SPG11: variants seen among roughly 807,000 people sequenced by gnomAD.
The protein encoded by SPG11 is spatacsin.
A neutral mutation model predicts 274.0 loss-of-function variants in SPG11; 222 were observed. That is an observed-to-expected ratio of 0.81 (90% CI 0.73 to 0.91). The LOEUF is 0.91. SPG11 is among the 40% of genes least tolerant of loss of function. The pLI is 0.00. For missense variants in SPG11, 3,114 were observed against 2,872.7 expected, an observed-to-expected ratio of 1.08 and a Z score of -1.92; for synonymous variants, 1,144 against 1,039.7, an observed-to-expected ratio of 1.10 and a Z score of -1.93.
At chr15:44,569,718 CTTTTTTT>C (rs1047071923) in intron 34 of SPG11, among the ~76,000 whole-genome samples, 2 of 138,388 alleles carry the variant, frequency 1.4e-5, no homozygotes, top group Non-Finnish European at 3.2e-5. Flanking sequence ...ACTGGCTGTT[CTTTTTTT>C]TTTTTTTTTG....
intron 28 of SPG11, among the ~76,000 whole-genome samples, chr15:44,586,880 T>C (rs915641659): frequency 1.1e-4 from 16 of 152,226 alleles, no homozygotes; most frequent in Admixed American, 5.2e-4. Context: ...ACAGAGAACT[T>C]GTAGGACAGT....
intron 20 of SPG11, among the ~76,000 whole-genome samples, chr15:44,605,372 T>G (rs776966653): frequency 6.6e-6 from 1 of 152,202 alleles, no homozygotes; most frequent in African/African-American, 2.4e-5. Context: ...TTTTTATGTA[T>G]GTCAATAGAT....
intron 6 of SPG11, among the ~76,000 whole-genome samples, chr15:44,649,869 G>A (rs1184826489): frequency 6.6e-6 from 1 of 151,338 alleles, no homozygotes; most frequent in Non-Finnish European, 1.5e-5. Context: ...ACTCCAGCCA[G>A]GGAGACAAGA....
At chr15:44,593,195 A>T (rs1437592633) in intron 26 of SPG11, among the ~76,000 whole-genome samples, 2 of 151,804 alleles carry the variant, frequency 1.3e-5, no homozygotes, top group African/African-American at 4.8e-5. Context: ...CTTTATTATT[A>T]TTTTTTATTA....
rs1304376257 is a variant in SPG11, at chr15:44,584,577, C to G, written c.5122-19G>C. 1 of 1,604,182 alleles carries G rather than the reference C, an allele frequency of 6.2e-7. No homozygotes were observed. Among genetic ancestry groups the G allele is most frequent in the Non-Finnish European group, 8.5e-7 (1 of 1,179,852 alleles). ...GTGTTATCTGTGAAATTTAACAAAGCAGATTTTAGCCTTTCTTGGATAAAA... is the reference window on the plus strand; with the variant it reads ...GTGTTATCTGTGAAATTTAACAAAGGAGATTTTAGCCTTTCTTGGATAAAA... On this transcript the variant is annotated intron_variant, in intron 29 of 39. Transcript: ENST00000261866.
Position 44,615,401 on chromosome 15 carries a change from A to C in SPG11, c.3000T>G (p.Ser1000Arg), listed in dbSNP as rs2083567432. The change falls in exon 16 of 40, where the codon AGT (serine) becomes AGG (arginine). Residue 1000 changes from serine to arginine, a missense_variant. Coordinates refer to ENST00000261866, the MANE Select transcript of SPG11 (RefSeq NM_025137.4). ...SQFILYCLEH[S>R]LQHLLYVYLD... Reference sequence around the variant, plus strand: ...GGTAGACATAAAGAAGATGCTGCAGACTGTGCTCCAAACAATAGAGAATGA... The same window carrying C: ...GGTAGACATAAAGAAGATGCTGCAGCCTGTGCTCCAAACAATAGAGAATGA... The C allele has an allele frequency of 6.2e-7, 1 of 1,614,060 alleles. No homozygotes were observed. The highest frequency in any genetic ancestry group is 1.1e-5 in the South Asian group (1 of 91,084).
At chr15:44,636,968 A>AC (rs1250207694) in intron 7 of SPG11, among the ~76,000 whole-genome samples, 2 of 146,634 alleles carry the variant, frequency 1.4e-5, no homozygotes, top group Non-Finnish European at 3.0e-5. Context: ...CAAAAAAAAA[A>AC]CACAAATGTG....
chr15:44,567,321 A>C (rs1456708708), intron 36 of SPG11, 103 bp downstream of exon 36: 1 of 1,333,246 alleles, frequency 7.5e-7, no homozygotes, highest in Non-Finnish European at 1.0e-6. Flanking sequence ...ACTGCACTCC[A>C]GCCTGGGGAC....
chr15:44,576,042 T>C (rs1198729608), intron 30 of SPG11, among the ~76,000 whole-genome samples: 2 of 146,924 alleles, frequency 1.4e-5, no homozygotes, highest in Non-Finnish European at 3.0e-5. Context: ...CTCAGGAGGC[T>C]GAGGCAGGAG....
chr15:44,650,888 C>T (rs2084752960), intron 6 of SPG11, among the ~76,000 whole-genome samples: 1 of 152,104 alleles, frequency 6.6e-6, no homozygotes, highest in Admixed American at 6.5e-5. Flanking sequence ...GCTGGGACTA[C>T]AGGTGCCGGC....
chr15:44,598,411 A>G (rs2083099379), intron 22 of SPG11, 38 bp from the exon 23 acceptor site: 1 of 1,577,194 alleles, frequency 6.3e-7, no homozygotes, highest in Admixed American at 1.7e-5. Flanking sequence ...GGTGAAGAGA[A>G]AAAGTCAAAA....
At position 44,622,285 on chromosome 15, in the gene SPG11, C is replaced by A. The variant is rs202245950; in HGVS notation, c.2379G>T (p.Val793=). 1 of 1,597,638 alleles carries A rather than the reference C, an allele frequency of 6.3e-7. No homozygotes were observed. The highest frequency in any genetic ancestry group is 1.1e-5 in the South Asian group (1 of 90,514). The change falls in exon 13 of 40, where the codon GTG becomes GTT. Residue 793 remains valine, a synonymous_variant. Coordinates refer to ENST00000261866, the MANE Select transcript of SPG11 (RefSeq NM_025137.4). ...SEKEKRTIDF[V]HQVEKLYLGH... Reference sequence around the variant, plus strand: ...CCAAATAAAGCTTCTCAACTTGATGCACGAAGTCTATAGTTCTTTTCTCTT... The same window carrying A: ...CCAAATAAAGCTTCTCAACTTGATGAACGAAGTCTATAGTTCTTTTCTCTT...
intron 2 of SPG11, among the ~76,000 whole-genome samples, 172 bp from the exon 3 acceptor site, chr15:44,659,475 G>A (rs377642021): frequency 6.6e-5 from 10 of 152,140 alleles, no homozygotes; most frequent in African/African-American, 2.4e-4. Context: ...TGGGAGGTAG[G>A]TAAGAGGATG....
At chr15:44,568,437 C>G (rs1428427092) in intron 35 of SPG11, among the ~76,000 whole-genome samples, 1 of 152,130 alleles carries the variant, frequency 6.6e-6, no homozygotes, top group Non-Finnish European at 1.5e-5. Context: ...CTCTCTTAAT[C>G]CTGCCTGGCT....
intron 7 of SPG11, among the ~76,000 whole-genome samples, chr15:44,641,971 CAT>C (rs2084462415): frequency 7.9e-6 from 1 of 126,452 alleles, no homozygotes; most frequent in African/African-American, 3.0e-5. Context: ...TAGATAAAGA[CAT>C]ATTATACAGT....
At chr15:44,627,714 C>T (rs773468333) in intron 10 of SPG11, among the ~76,000 whole-genome samples, 3 of 152,052 alleles carry the variant, frequency 2.0e-5, no homozygotes, top group South Asian at 2.1e-4. Flanking sequence ...CTCAGCCTCC[C>T]GAGTAGCTGG....
At position 44,629,219 on chromosome 15, in the gene SPG11, GC is replaced by G. The variant is rs1567174938; in HGVS notation, c.1891+13del. On this transcript the variant is annotated intron_variant, in intron 9 of 39. Transcript: ENST00000261866. ...GAACAGTAGAATTGCCCCCTTCCTA[GC>G]TGCTATTCTTACCTTCAGTGTGAAT... The G allele has an allele frequency of 6.2e-7, 1 of 1,613,506 alleles. No individual in the cohort carries two copies. Among genetic ancestry groups the G allele is most frequent in the African/African-American group, 1.3e-5 (1 of 75,026 alleles).
At position 44,578,019 on chromosome 15, in the gene SPG11, C is replaced by CTTTTTTTT. The variant is rs1179057683; in HGVS notation, c.5867-2986_5867-2979dup. ...CTCTCAGAAAGGGGAGCCTTCTTTC[C>CTTTTTTTT]TTTTTTTTTTTTTTTTTTTTTTTGA... On this transcript the variant is annotated intron_variant, in intron 30 of 39. Transcript: ENST00000261866. Among the ~76,000 whole-genome samples, 18 of 117,570 alleles carry CTTTTTTTT rather than the reference C, an allele frequency of 1.5e-4. 1 individual carries two copies. The highest frequency in any genetic ancestry group is 7.1e-4 in the East Asian group (3 of 4,226). The allele number at this position is 117,570 out of a possible 152,430, so 77.1% of individuals were successfully genotyped here. A position where few individuals can be genotyped will look rare whatever the true frequency, so the allele number is the denominator to read the frequency against.
chr15:44,608,470 C>G lies in SPG11; in HGVS notation c.3427G>C (p.Asp1143His), dbSNP rs1442354554. The G allele has an allele frequency of 6.2e-7, 1 of 1,614,134 alleles. No individual in the cohort carries two copies. Among genetic ancestry groups the G allele is most frequent in the South Asian group, 1.1e-5 (1 of 91,080 alleles). The stretch of plus-strand genomic sequence containing the variant: ...TGAATAAGGTGGTAGATTGTAATAT[C>G]AGATGGCAGGACACTAGGAGGAGTG... The part of the protein sequence containing the change: ...QCTPPSVLPS[D>H]ITIYHLIQSL... Residue 1143 changes from aspartate to histidine, a missense_variant, in exon 19 of 40, where the codon GAT becomes CAT. Asp to His is a moderately conservative substitution (Grantham distance 81, BLOSUM62 -1). Transcript: ENST00000261866.
Sources: gnomAD v4.1 joint callset for allele counts (sites outside exome capture counted in the v4.1 genomes callset) on GRCh38, gnomAD v4.1.1 for gene constraint, MANE v1.5 for transcripts, NCBI Gene and HGNC (gene_info 2026-07-23, HGNC 2026-07-21) for gene names.